The following PRRG1 variants were observed in gnomAD, a reference collection of about 807,000 sequenced individuals.
PRRG1 encodes transmembrane gamma-carboxyglutamic acid protein 1.
PRRG1 carries 5 observed loss-of-function variants against 11.8 expected under a neutral mutation model. The observed-to-expected ratio is 0.42, with a 90% CI of 0.22 to 0.89. PRRG1 has a LOEUF of 0.89. PRRG1 is among the 40% of genes least tolerant of loss of function. The pLI is 0.28. For missense variants in PRRG1, 155 were observed against 166.1 expected (o/e 0.93, Z 0.37); for synonymous variants, 66 against 60.4 (o/e 1.09, Z -0.43).
chrX:37,439,664 A>T (rs782532733), intron 3 of PRRG1, among the ~76,000 whole-genome samples: 36 of 111,280 alleles, frequency 3.2e-4, no homozygotes, highest in Non-Finnish European at 3.2e-4. Context: ...GCCAGTCCTT[A>T]TTGGGCCAGT....
chrX:37,368,886 G>A (rs371997039), intron 1 of PRRG1, among the ~76,000 whole-genome samples: 1 of 110,407 alleles, frequency 9.1e-6, no homozygotes. Context: ...AGCTTTCATA[G>A]TCCACTTACT....
intron 1 of PRRG1, among the ~76,000 whole-genome samples, chrX:37,403,427 A>G (rs1342481560): frequency 1.1e-5 from 1 of 89,793 alleles, no homozygotes; most frequent in Non-Finnish European, 2.1e-5. Context: ...GGAATTGAAC[A>G]GTGAGAACAC....
intron 1 of PRRG1, among the ~76,000 whole-genome samples, chrX:37,365,913 C>T (rs1215077941): frequency 8.9e-6 from 1 of 111,808 alleles, no homozygotes; most frequent in African/African-American, 3.3e-5. Context: ...TCAGGGGTGC[C>T]TGTATTTTGA....
intron 3 of PRRG1, among the ~76,000 whole-genome samples, chrX:37,438,005 C>G (rs576377101): frequency 9.2e-6 from 1 of 109,150 alleles, no homozygotes; most frequent in East Asian, 2.9e-4. Context: ...GTCAGGAGTT[C>G]GAGACCAGCC....
At chrX:37,440,967 C>A in intron 3 of PRRG1, 2 of 645,256 alleles carry the variant, frequency 3.1e-6, no homozygotes, top group South Asian at 3.4e-5. Context: ...CAAGGTCCCA[C>A]CATGTTGCCT....
chrX:37,440,807 C>G (rs1174305534), intron 3 of PRRG1: 1 of 508,458 alleles, frequency 2.0e-6, no homozygotes, highest in African/African-American at 2.3e-5. Context: ...GTTCTGTTGC[C>G]AAGGCTGGAG....
At position 37,454,748 on chromosome X, in the gene PRRG1, T is replaced by C. The variant is rs1556397889; in HGVS notation, c.*1127T>C. The C allele has an allele frequency of 8.9e-6, 1 of 111,873 alleles. No homozygotes were observed. Among genetic ancestry groups the C allele is most frequent in the Non-Finnish European group, 1.9e-5 (1 of 53,231 alleles). The allele number at this position is 111,873 out of a possible 1,213,427, so 9.2% of individuals were successfully genotyped here. ...TATGCTAGGTGCACAATAAATCTAG[T>C]AATAGCCCCACACAGATCTCATCAT... On this transcript the variant is annotated 3_prime_UTR_variant, in exon 4 of 4. Transcript: ENST00000378628.
At chrX:37,433,839 A>G (rs1455411440) in intron 3 of PRRG1, among the ~76,000 whole-genome samples, 1 of 112,125 alleles carries the variant, frequency 8.9e-6, no homozygotes, top group East Asian at 2.8e-4. Flanking sequence ...TTGTTGTTAT[A>G]TTTCCTTCTT....
At chrX:37,371,918 GC>G (rs1292025636) in intron 1 of PRRG1, among the ~76,000 whole-genome samples, 1 of 113,207 alleles carries the variant, frequency 8.8e-6, no homozygotes, top group Admixed American at 9.3e-5. Flanking sequence ...AGCTCAGCAG[GC>G]CCAAGTAAAA....
chrX:37,420,668 C>CAAAAAAAAAAA (rs1302856034), intron 2 of PRRG1, among the ~76,000 whole-genome samples: 1 of 29,503 alleles, frequency 3.4e-5, no homozygotes, highest in Non-Finnish European at 6.0e-5. Context: ...CCCGTCTATG[C>CAAAAAAAAAAA]AAAAAAAAAA....
intron 3 of PRRG1, among the ~76,000 whole-genome samples, chrX:37,443,381 C>T (rs1297797717): frequency 2.7e-5 from 3 of 111,211 alleles, no homozygotes; most frequent in Non-Finnish European, 3.8e-5. Context: ...CAAATGGAAA[C>T]GTGAATCAAG....
intron 1 of PRRG1, among the ~76,000 whole-genome samples, chrX:37,402,822 C>G (rs1477966117): frequency 9.0e-6 from 1 of 111,170 alleles, no homozygotes; most frequent in African/African-American, 3.3e-5. Flanking sequence ...GGGCAAAGGA[C>G]ATGAACAGAC....
At chrX:37,418,690 A>T (rs1932571668) in intron 2 of PRRG1, among the ~76,000 whole-genome samples, 2 of 111,801 alleles carry the variant, frequency 1.8e-5, no homozygotes. Flanking sequence ...TTGTAAACAT[A>T]ATCATTGATG....
intron 1 of PRRG1, among the ~76,000 whole-genome samples, chrX:37,398,073 C>A (rs1931785767): frequency 9.2e-6 from 1 of 108,508 alleles, no homozygotes; most frequent in African/African-American, 3.4e-5. Flanking sequence ...AAAAAAATAG[C>A]AGTAACCTCT....
intron 1 of PRRG1, among the ~76,000 whole-genome samples, chrX:37,359,921 T>C (rs1430933773): frequency 2.7e-5 from 3 of 111,910 alleles, no homozygotes; most frequent in African/African-American, 9.7e-5. Context: ...TCATCTAGCT[T>C]ATCAAATTTG....
At chrX:37,400,799 A>G (rs1336020558) in intron 1 of PRRG1, among the ~76,000 whole-genome samples, 2 of 111,312 alleles carry the variant, frequency 1.8e-5, no homozygotes, top group Non-Finnish European at 1.9e-5. Flanking sequence ...TGATAAAGGG[A>G]ATATCACCAC....
chrX:37,433,509 C>T (rs994273491), intron 3 of PRRG1, among the ~76,000 whole-genome samples: 6 of 109,811 alleles, frequency 5.5e-5, no homozygotes, highest in Non-Finnish European at 7.6e-5. Context: ...AAATTGCAAC[C>T]GCTTGTCCCT....
In PRRG1 at chrX:37,453,971, A is replaced by C. The variant is rs1921258285; in HGVS notation, c.*350A>C. ...CTTAAAAATCCATTAACTTCTACCTAAATCACCTGGAAGGAGAGCATTACT... is the reference window on the plus strand; with the variant it reads ...CTTAAAAATCCATTAACTTCTACCTCAATCACCTGGAAGGAGAGCATTACT... On this transcript the variant is annotated 3_prime_UTR_variant, in exon 4 of 4. Coordinates refer to ENST00000378628, the MANE Select transcript of PRRG1 (RefSeq NM_001142395.2). 2 of 123,956 alleles carry C rather than the reference A, an allele frequency of 1.6e-5. No homozygotes were observed. The highest frequency in any genetic ancestry group is 3.2e-5 in the Non-Finnish European group (2 of 61,576). The allele number at this position is 123,956 out of a possible 1,213,427, so 10.2% of individuals were successfully genotyped here. A position where few individuals can be genotyped will look rare whatever the true frequency, so the allele number is the denominator to read the frequency against.
chrX:37,427,122 A>G (rs1421822534), intron 3 of PRRG1, among the ~76,000 whole-genome samples: 1 of 112,115 alleles, frequency 8.9e-6, no homozygotes, highest in Non-Finnish European at 1.9e-5. Context: ...GTTTTATCAA[A>G]TAATAGAAAT....
Sources: allele counts gnomAD v4.1 joint callset (sites outside exome capture counted in the v4.1 genomes callset), GRCh38; gene constraint gnomAD v4.1.1; transcripts MANE v1.5; gene names NCBI Gene and HGNC (gene_info 2026-07-23, HGNC 2026-07-21).